The following CMPK1 variants were observed in gnomAD, a reference collection of about 807,000 sequenced individuals.
The protein encoded by CMPK1 is UMP-CMP kinase.
Under a neutral mutation model 25.7 loss-of-function variants are expected in CMPK1, and 10 were observed. The observed-to-expected ratio is 0.39, with a 90% CI of 0.24 to 0.66. The LOEUF is 0.66. Among genes scored for constraint, CMPK1 ranks in the 30% least tolerant of loss-of-function variants. CMPK1 has a pLI of 0.48. For missense variants in CMPK1, 199 were observed against 280.5 expected, an observed-to-expected ratio of 0.71 and a Z score of 2.08; for synonymous variants, 106 against 101.5, an observed-to-expected ratio of 1.04 and a Z score of -0.27.
rs759506110 is a variant in CMPK1, at chr1:47,365,653, G to GAAAAAAAAA, written c.172-2815_172-2814insAAAAAAAAA. Reference sequence around the variant, plus strand: ...TGTCTCAAAAAAAAAAAAAAAAAGTGAGAGAAATTGAACAAGATGGTTTGA... The same window carrying GAAAAAAAAA: ...TGTCTCAAAAAAAAAAAAAAAAAGTGAAAAAAAAAAGAGAAATTGAACAAGATGGTTTGA... On this transcript the variant is annotated intron_variant, in intron 1 of 5. Transcript: ENST00000371873. Among the ~76,000 whole-genome samples, 868 of 93,160 alleles carry GAAAAAAAAA rather than the reference G, an allele frequency of 9.3e-3. 4 individuals carry two copies. The highest frequency in any genetic ancestry group is 0.016 in the Non-Finnish European group (716 of 44,022). The allele number at this position is 93,160 out of a possible 152,430, so 61.1% of individuals were successfully genotyped here. A position where few individuals can be genotyped will look rare whatever the true frequency, so the allele number is the denominator to read the frequency against.
chr1:47,366,174 A>G (rs190144866), intron 1 of CMPK1, among the ~76,000 whole-genome samples: 61 of 152,360 alleles, frequency 4.0e-4, no homozygotes, highest in Admixed American at 1.6e-3. Flanking sequence ...CGACAGAGCA[A>G]GACCCTGTCT....
rs192443149 is a variant in CMPK1 at position 47,358,974 on chromosome 1, C to A, written c.172-9495C>A. On this transcript the variant is annotated intron_variant, in intron 1 of 5. Transcript: ENST00000371873. Reference sequence around the variant, plus strand: ...GGCCAACTTTCTTGCTTTTGAAATTCCTTAGGCAAATGATATTCTCATTTT... The same window carrying A: ...GGCCAACTTTCTTGCTTTTGAAATTACTTAGGCAAATGATATTCTCATTTT... 3 of 978,650 alleles carry A rather than the reference C, an allele frequency of 3.1e-6. No homozygotes were observed. In the African/African-American group the frequency reaches 5.3e-5, roughly 17 times the overall value. 60.6% of individuals were successfully genotyped at this position (978,650 alleles called of 1,614,324 possible).
At chr1:47,358,208 G>C (rs1439101579) in intron 1 of CMPK1, 1 of 437,770 alleles carries the variant, frequency 2.3e-6, no homozygotes, top group African/African-American at 2.1e-5. Context: ...AACTCCTGGG[G>C]CTCAAGCTAC....
intron 1 of CMPK1, among the ~76,000 whole-genome samples, chr1:47,354,670 C>T (rs1309342210): frequency 8.3e-6 from 1 of 119,856 alleles, no homozygotes; most frequent in Non-Finnish European, 1.6e-5. Flanking sequence ...ACAGATAGTT[C>T]TACTTCATAA....
chr1:47,374,859 G>T, intron 3 of CMPK1, 50 bp from the exon 4 acceptor site: 1 of 1,430,254 alleles, frequency 7.0e-7, no homozygotes. Context: ...CAGGTTAAAA[G>T]AATGGCAAAT....
chr1:47,334,317 T>C (rs1646379808), intron 1 of CMPK1, among the ~76,000 whole-genome samples: 1 of 151,962 alleles, frequency 6.6e-6, no homozygotes, highest in African/African-American at 2.4e-5. Flanking sequence ...CCGCCCGCCT[T>C]GGGGGCCACC....
intron 1 of CMPK1, among the ~76,000 whole-genome samples, chr1:47,349,591 T>C (rs530706576): frequency 6.6e-6 from 1 of 152,326 alleles, no homozygotes; most frequent in Non-Finnish European, 1.5e-5. Context: ...TTTAATAAAT[T>C]CCTTTATTTC....
chr1:47,355,040 A>G (rs1646549782), intron 1 of CMPK1, among the ~76,000 whole-genome samples: 1 of 152,072 alleles, frequency 6.6e-6, no homozygotes, highest in Non-Finnish European at 1.5e-5. Context: ...AATCCAGTGG[A>G]AAATGGAATC....
intron 1 of CMPK1, among the ~76,000 whole-genome samples, chr1:47,365,304 T>C (rs887846843): frequency 6.6e-6 from 1 of 150,542 alleles, no homozygotes; most frequent in African/African-American, 2.4e-5. Flanking sequence ...GTTTTCGTTG[T>C]TTTCTGAATT....
chr1:47,366,626 A>G (rs111726067), intron 1 of CMPK1, among the ~76,000 whole-genome samples: 61 of 152,244 alleles, frequency 4.0e-4, no homozygotes, highest in Admixed American at 1.6e-3. Flanking sequence ...CATGAGACAC[A>G]TGTGTATAGG....
intron 1 of CMPK1, among the ~76,000 whole-genome samples, chr1:47,348,638 A>T (rs1319417989): frequency 6.6e-6 from 1 of 152,156 alleles, no homozygotes; most frequent in Non-Finnish European, 1.5e-5. Context: ...AAGACCCATA[A>T]GCTGGTTCCA....
At chr1:47,334,607 G>C (rs894357732) in intron 1 of CMPK1, among the ~76,000 whole-genome samples, 1 of 152,208 alleles carries the variant, frequency 6.6e-6, no homozygotes, top group Non-Finnish European at 1.5e-5. Context: ...CACCGAACGT[G>C]TCTTTACTCT....
In CMPK1 at chr1:47,374,919, A is replaced by C. The variant is rs1226612415; in HGVS notation, c.482A>C (p.Glu161Ala). ...FFDCNNEICI[E>A]RCLERGKSSG... ...TGTATCTCTTTTTAGATTTGTATTG[A>C]ACGATGTCTTGAGAGGGGAAAGAGT... is the stretch of plus-strand genomic sequence containing the variant. The change falls in exon 4 of 6, where the codon GAA becomes GCA. Residue 161 changes from glutamate to alanine, a missense_variant. Physicochemically the swap from Glu to Ala is moderately radical, Grantham distance 107. Around this residue, in one of 2 missense-constraint regions of CMPK1, gnomAD observed 140 missense variants for 235.5 expected, o/e 0.59. Coordinates refer to ENST00000371873, the MANE Select transcript of CMPK1 (RefSeq NM_016308.3). 6.2e-7 allele frequency: 1 copy of C among 1,610,726 alleles called. No homozygotes were observed. The highest frequency in any genetic ancestry group is 2.2e-5 in the East Asian group (1 of 44,848).
rs896997573 is a variant in CMPK1 at position 47,377,340 on chromosome 1, A to G, written c.*595A>G. ...CTTGTACAAAGTTGTATGACAGGGC[A>G]TATTCTTTGCTTCCAAGATTTGGGT... On this transcript the variant is annotated 3_prime_UTR_variant, in exon 6 of 6. Transcript: ENST00000371873. 2.0e-5 allele frequency: 3 copies of G among 152,250 alleles called. No homozygotes were observed. The highest frequency in any genetic ancestry group is 4.8e-5 in the African/African-American group (2 of 41,452). 9.4% of individuals were successfully genotyped at this position (152,250 alleles called of 1,614,324 possible). A position where few individuals can be genotyped will look rare whatever the true frequency, so the allele number is the denominator to read the frequency against.
intron 1 of CMPK1, among the ~76,000 whole-genome samples, chr1:47,354,984 TTTATA>T (rs1258635282): frequency 1.3e-5 from 2 of 152,184 alleles, no homozygotes; most frequent in African/African-American, 4.8e-5. Context: ...AACATTTTAT[TTTATA>T]TTAATTTTAT....
At chr1:47,344,447 G>T (rs980411206) in intron 1 of CMPK1, among the ~76,000 whole-genome samples, 1 of 152,038 alleles carries the variant, frequency 6.6e-6, no homozygotes, top group Admixed American at 6.6e-5. Flanking sequence ...AATGCAAACA[G>T]ATATGAAAGA....
intron 1 of CMPK1, among the ~76,000 whole-genome samples, chr1:47,338,451 T>A (rs1425608269): frequency 6.6e-6 from 1 of 151,988 alleles, no homozygotes; most frequent in Non-Finnish European, 1.5e-5. Flanking sequence ...TGGGATTGAT[T>A]TTGCACATTT....
chr1:47,358,148 G>A (rs1304317940), intron 1 of CMPK1: 1 of 103,534 alleles, frequency 9.7e-6, no homozygotes, highest in African/African-American at 4.1e-5. Context: ...GTCTCATTCT[G>A]TTTCCTAGGC....
intron 1 of CMPK1, among the ~76,000 whole-genome samples, chr1:47,342,223 A>T (rs1201194116): frequency 1.3e-5 from 2 of 152,080 alleles, no homozygotes; most frequent in Non-Finnish European, 2.9e-5. Flanking sequence ...CTGGGATTAC[A>T]GGTGCCTGCC....
Sources: allele counts gnomAD v4.1 joint callset (sites outside exome capture counted in the v4.1 genomes callset), GRCh38; gene constraint gnomAD v4.1.1; regional missense constraint gnomAD v4.1.1; transcripts MANE v1.5; gene names NCBI Gene and HGNC (gene_info 2026-07-23, HGNC 2026-07-21).